ABCA12: variants seen among roughly 807,000 people sequenced by gnomAD.
The protein encoded by ABCA12 is ATP binding cassette subfamily A member 12.
A neutral mutation model predicts 293.5 loss-of-function variants in ABCA12; 156 were observed. That is an observed-to-expected ratio of 0.53 (90% CI 0.47 to 0.61). The LOEUF (loss-of-function observed/expected upper bound fraction) is 0.61, where lower values mean the gene tolerates loss of function less well. Ranked by LOEUF, ABCA12 falls within the 20% of genes least tolerant of loss-of-function variation. The probability of loss-of-function intolerance (pLI) is 0.00; values close to 1 mark genes in which losing one functional copy is unlikely to be tolerated. For missense variants in ABCA12, 2,797 were observed against 3,090.2 expected, an observed-to-expected ratio of 0.91 and a Z score of 2.25; for synonymous variants, 1,063 against 1,108.0, an observed-to-expected ratio of 0.96 and a Z score of 0.81.
intron 8 of ABCA12, chr2:215,032,210 G>A (rs1700893886): frequency 1.3e-6 from 1 of 750,196 alleles, no homozygotes; most frequent in African/African-American, 1.8e-5. Context: ...TGACTGCTAA[G>A]TACTATAATG....
At chr2:214,993,783 T>C (rs6435867) in intron 23 of ABCA12, among the ~76,000 whole-genome samples, 146,967 of 152,312 alleles carry the variant, frequency 0.96, 71,105 homozygotes, top group East Asian at 1. Context: ...TATAAACGTG[T>C]TTTTCTTCCC....
chr2:215,043,685 T>C (rs1005001511), intron 7 of ABCA12, among the ~76,000 whole-genome samples: 1 of 152,092 alleles, frequency 6.6e-6, no homozygotes, highest in Non-Finnish European at 1.5e-5. Flanking sequence ...TTTTTTTAAG[T>C]TGTAAAGTGA....
At chr2:215,088,966 C>A (rs1186416756) in intron 2 of ABCA12, among the ~76,000 whole-genome samples, 1 of 152,066 alleles carries the variant, frequency 6.6e-6, no homozygotes, top group Non-Finnish European at 1.5e-5. Context: ...TCCATCCATC[C>A]ACCCCTCCCT....
chr2:214,935,654 G>C (rs1698196764), intron 51 of ABCA12, among the ~76,000 whole-genome samples: 1 of 152,038 alleles, frequency 6.6e-6, no homozygotes, highest in Non-Finnish European at 1.5e-5. Context: ...AAACTTAGCA[G>C]GGCATGGTGG....
At chr2:214,981,158 A>T (rs1425243429) in intron 30 of ABCA12, among the ~76,000 whole-genome samples, 4 of 151,574 alleles carry the variant, frequency 2.6e-5, no homozygotes, top group Non-Finnish European at 4.4e-5. Flanking sequence ...ATTTGGACGC[A>T]TTTTTTTTCA....
Position 214,945,156 on chromosome 2 carries a change from A to C in ABCA12, c.7240-52T>G, listed in dbSNP as rs1290815447. 3 of 1,443,348 alleles carry C rather than the reference A, an allele frequency of 2.1e-6. No homozygotes were observed. In the African/African-American group the frequency reaches 4.2e-5, roughly 20 times the overall value. The allele number at this position is 1,443,348 out of a possible 1,614,324, so 89.4% of individuals were successfully genotyped here. A position where few individuals can be genotyped will look rare whatever the true frequency, so the allele number is the denominator to read the frequency against. The stretch of plus-strand genomic sequence containing the variant: ...TATCAAATTAATTAATTTTTGATGA[A>C]GTTCTTTTCATGAATTACTGCATTT... On this transcript the variant is annotated intron_variant, in intron 48 of 52. Transcript: ENST00000272895.
chr2:214,982,791 A>G (rs921751504), intron 29 of ABCA12, among the ~76,000 whole-genome samples: 1 of 152,186 alleles, frequency 6.6e-6, no homozygotes, highest in African/African-American at 2.4e-5. Context: ...AAGTGTGTGT[A>G]TTGGGAGGGA....
At chr2:215,032,789 A>G (rs1487414843) in intron 8 of ABCA12, among the ~76,000 whole-genome samples, 2 of 152,156 alleles carry the variant, frequency 1.3e-5, no homozygotes, top group Non-Finnish European at 2.9e-5. Context: ...CAATGCTGTC[A>G]TTTTTAACAT....
intron 2 of ABCA12, among the ~76,000 whole-genome samples, chr2:215,081,813 A>T (rs1701947969): frequency 6.6e-6 from 1 of 152,130 alleles, no homozygotes; most frequent in African/African-American, 2.4e-5. Context: ...GACCTGGAAG[A>T]CAAGATTGAC....
intron 3 of ABCA12, among the ~76,000 whole-genome samples, chr2:215,059,984 G>A (rs750084017): frequency 2.6e-5 from 4 of 151,710 alleles, no homozygotes; most frequent in Admixed American, 6.6e-5. Context: ...TCTCAATGAC[G>A]ACACTCTTAA....
At chr2:214,996,268 T>C (rs1700029942) in intron 23 of ABCA12, among the ~76,000 whole-genome samples, 1 of 152,198 alleles carries the variant, frequency 6.6e-6, no homozygotes, top group Non-Finnish European at 1.5e-5. Flanking sequence ...CATGAAATAA[T>C]ACAATGTGTG....
chr2:215,134,473 T>C (rs1703148615), intron 1 of ABCA12, among the ~76,000 whole-genome samples: 1 of 130,288 alleles, frequency 7.7e-6, no homozygotes, highest in South Asian at 2.3e-4. Flanking sequence ...CATATGTGTA[T>C]GTGTATATAT....
chr2:215,084,775 A>G (rs1042452336), intron 2 of ABCA12, among the ~76,000 whole-genome samples: 2 of 152,146 alleles, frequency 1.3e-5, no homozygotes, highest in Non-Finnish European at 2.9e-5. Flanking sequence ...CTGTCACAAT[A>G]TGATTGGAGA....
At chr2:214,982,473 C>T (rs1350462249) in intron 29 of ABCA12, 90 bp from the exon 30 acceptor site, 1 of 1,025,152 alleles carries the variant, frequency 9.8e-7, no homozygotes, top group Non-Finnish European at 1.5e-6. Flanking sequence ...TATGTATTCA[C>T]TAGGTAACTA....
chr2:215,037,779 C>T (rs1575002371), intron 7 of ABCA12, among the ~76,000 whole-genome samples: 2 of 152,218 alleles, frequency 1.3e-5, no homozygotes, highest in East Asian at 3.9e-4. Flanking sequence ...TCTTTTAGTT[C>T]CTTTATAGCC....
Position 214,978,411 on chromosome 2 carries a change from T to C in ABCA12, c.5033A>G (p.His1678Arg), listed in dbSNP as rs138875526. 3.7e-6 allele frequency: 6 copies of C among 1,613,784 alleles called. No individual in the cohort carries two copies. Among genetic ancestry groups the C allele is most frequent in the Non-Finnish European group, 5.1e-6 (6 of 1,179,882 alleles). The change falls in exon 33 of 53, where the codon CAC (histidine) becomes CGC (arginine). Residue 1678 changes from histidine to arginine, a missense_variant. Around this residue, in one of 3 missense-constraint regions of ABCA12, gnomAD observed 2,130 missense variants for 2,427.0 expected, o/e 0.88. Coordinates refer to ENST00000272895, the MANE Select transcript of ABCA12 (RefSeq NM_173076.3). ...SQKNSAMSLE[H>R]LTQKKIGNSN... ...ATTCCCAATTTTCTTTTGTGTTAAG[T>C]GCTCAAGACTCATAGCACTATTTTT...
chr2:215,092,379 A>G (rs532090751), intron 2 of ABCA12, among the ~76,000 whole-genome samples: 2 of 151,670 alleles, frequency 1.3e-5, no homozygotes, highest in Admixed American at 6.6e-5. Flanking sequence ...ATTATCCGCT[A>G]CTCTGTTCCT....
rs148206241 is a variant in ABCA12 at position 215,001,625 on chromosome 2, T to C, written c.2796A>G (p.Ala932=). Residue 932 remains alanine, a synonymous_variant, in exon 21 of 53, where the codon GCA becomes GCG. Transcript: ENST00000272895. ...SSCVLYDRIQ[A]AKTIDEMERE... ...TCTCCATTTCATCTATGGTTTTTGC[T>C]GCCTGAATACGGTCATATAATACAC... 2.2e-5 allele frequency: 36 copies of C among 1,613,756 alleles called. No homozygotes were observed. Among genetic ancestry groups the C allele is most frequent in the Non-Finnish European group, 3.0e-5 (35 of 1,179,852 alleles).
chr2:215,138,005 A>G, intron 1 of ABCA12, 135 bp downstream of exon 1: 1 of 926,972 alleles, frequency 1.1e-6, no homozygotes, highest in South Asian at 1.3e-5. Flanking sequence ...AGGGGGATGA[A>G]TTCTAAATAT....
Sources: gnomAD v4.1 joint callset for allele counts (sites outside exome capture counted in the v4.1 genomes callset) on GRCh38, gnomAD v4.1.1 for gene constraint, gnomAD v4.1.1 regional missense constraint, MANE v1.5 for transcripts, NCBI Gene and HGNC (gene_info 2026-07-23, HGNC 2026-07-21) for gene names.